Variants in SLC20A2 observed in about 807,000 individuals in gnomAD.
SLC20A2 encodes the protein solute carrier family 20 member 2.
A neutral mutation model predicts 61.0 loss-of-function variants in SLC20A2; 30 were observed. The ratio of observed to expected loss-of-function variants is 0.49; its 90% CI spans 0.37 to 0.67. The LOEUF (loss-of-function observed/expected upper bound fraction) is 0.67. Ranked by LOEUF, SLC20A2 falls within the 30% of genes least tolerant of loss-of-function variation. The probability of loss-of-function intolerance (pLI) is 0.00; values close to 1 mark genes in which losing one functional copy is unlikely to be tolerated. For synonymous variants in SLC20A2, 351 were observed against 353.3 expected (o/e 0.99, Z 0.07); for missense variants, 626 against 866.4 (o/e 0.72, Z 3.48).
chr8:42,419,557 AT>A (rs2130913514), intron 10 of SLC20A2: 1 of 229,738 alleles, frequency 4.4e-6, no homozygotes. Flanking sequence ...TCAAAAAAAA[AT>A]AAAATAAAAA....
chr8:42,455,253 T>G lies in SLC20A2; in HGVS notation c.613+4643A>C, dbSNP rs922138945. On this transcript the variant is annotated intron_variant, in intron 5 of 10. Transcript: ENST00000520262. ...AAAAAAAAAAAAAAATATATATATA[T>G]ATATAGAGAGAGAGAGAGAGAGAGA... Among the ~76,000 whole-genome samples, 405 of 93,610 alleles carry G rather than the reference T, an allele frequency of 4.3e-3. 1 individual carries two copies. The highest frequency in any genetic ancestry group is 8.5e-3 in the Non-Finnish European group (366 of 42,820). 61.4% of individuals were successfully genotyped at this position (93,610 alleles called of 152,430 possible). A position where few individuals can be genotyped will look rare whatever the true frequency, so the allele number is the denominator to read the frequency against.
At position 42,437,252 on chromosome 8, in the gene SLC20A2, G is replaced by T. The variant is rs574609540; in HGVS notation, c.1260C>A (p.Thr420=). 4 of 1,613,978 alleles carry T rather than the reference G, an allele frequency of 2.5e-6. No individual in the cohort carries two copies. The highest frequency in any genetic ancestry group is 3.3e-5 in the Admixed American group (2 of 60,014). ...PEDSEKLVGD[T]VSYSKKRLRY... ...GCAGCCTCTTCTTGGAGTAGGACAC[G>T]GTGTCGCCCACCAGCTTCTCACTGT... The change falls in exon 8 of 11, where the codon ACC becomes ACA. Residue 420 remains threonine (T), a synonymous_variant. Coordinates refer to ENST00000520262, the MANE Select transcript of SLC20A2 (RefSeq NM_001257180.2). This position sits in a 1 kb window ranked among gnomAD's most constrained non-coding sequence, Gnocchi z 6.4.
chr8:42,455,235 A>ATAT (rs1425581278), intron 5 of SLC20A2, among the ~76,000 whole-genome samples: 47 of 104,032 alleles, frequency 4.5e-4, no homozygotes, highest in Non-Finnish European at 6.2e-4. Flanking sequence ...AAAAAAAAAA[A>ATAT]AAAAAAATAT....
At position 42,443,264 on chromosome 8, in the gene SLC20A2, GATATATAT is replaced by G. The variant is rs869057900; in HGVS notation, c.730+1374_730+1381del. 8.5e-5 allele frequency among the ~76,000 whole-genome samples: 9 copies of G among 105,474 alleles called. No individual in the cohort carries two copies. The East Asian group carries it at 2.1e-3, about 24-fold the overall frequency. 69.2% of individuals were successfully genotyped at this position (105,474 alleles called of 152,430 possible). ...TATAATAATACAATTATTATTATAG[GATATATAT>G]ATATATATATATATATATATATATA... On this transcript the variant is annotated intron_variant, in intron 6 of 10. Transcript: ENST00000520262.
At chr8:42,519,301 G>A (rs1004804857) in intron 1 of SLC20A2, among the ~76,000 whole-genome samples, 2 of 152,132 alleles carry the variant, frequency 1.3e-5, no homozygotes, top group Admixed American at 6.5e-5. Flanking sequence ...AAAATTAGCT[G>A]GGCATGGTGG....
chr8:42,473,798 G>C (rs1328241234), intron 1 of SLC20A2, among the ~76,000 whole-genome samples: 3 of 152,080 alleles, frequency 2.0e-5, no homozygotes, highest in African/African-American at 4.8e-5. Context: ...ATAATAATTT[G>C]ACCCATCAAT....
upstream of SLC20A2, among the ~76,000 whole-genome samples, chr8:42,505,584 T>C (rs1810632085): frequency 6.6e-6 from 1 of 152,220 alleles, no homozygotes; most frequent in South Asian, 2.1e-4. Flanking sequence ...AAATGACATC[T>C]GGAAATAGCA....
intron 1 of SLC20A2, among the ~76,000 whole-genome samples, chr8:42,533,840 G>T (rs1444628111): frequency 6.7e-6 from 1 of 150,172 alleles, no homozygotes; most frequent in Non-Finnish European, 1.5e-5. Flanking sequence ...TGTATTTCTA[G>T]TGGAGACGGG....
intron 1 of SLC20A2, among the ~76,000 whole-genome samples, chr8:42,492,273 T>C (rs1300022260): frequency 6.6e-6 from 1 of 152,112 alleles, no homozygotes; most frequent in Non-Finnish European, 1.5e-5. Context: ...AGAGAATTGC[T>C]TGAACCCAGG....
At chr8:42,539,468 A>G (rs1449815019) in intron 1 of SLC20A2, among the ~76,000 whole-genome samples, 2 of 152,232 alleles carry the variant, frequency 1.3e-5, no homozygotes, top group African/African-American at 2.4e-5. Context: ...CTCAATACTA[A>G]GCATATGTTC....
chr8:42,468,804 T>C (rs922850092), intron 2 of SLC20A2, among the ~76,000 whole-genome samples: 1 of 152,134 alleles, frequency 6.6e-6, no homozygotes, highest in Non-Finnish European at 1.5e-5. Flanking sequence ...TGTGTGCTTC[T>C]TAAGGGTTTC....
At chr8:42,486,569 C>T (rs564558664) in intron 1 of SLC20A2, among the ~76,000 whole-genome samples, 1 of 152,318 alleles carries the variant, frequency 6.6e-6, no homozygotes, top group East Asian at 1.9e-4. Context: ...TTTATTTTGT[C>T]TTCACTTTTG....
In SLC20A2 at chr8:42,417,693, TGA is replaced by T. The variant is rs1047758792; in HGVS notation, c.*108_*109del. 4 of 1,217,416 alleles carry T rather than the reference TGA, an allele frequency of 3.3e-6. No individual in the cohort carries two copies. The highest frequency in any genetic ancestry group is 4.2e-4 in the Middle Eastern group (2 of 4,772). 75.4% of individuals were successfully genotyped at this position (1,217,416 alleles called of 1,614,324 possible). On this transcript the variant is annotated 3_prime_UTR_variant, in exon 11 of 11. Transcript: ENST00000520262. Reference sequence around the variant, plus strand: ...TGGAAGGGAGGCAGAGAGCTGGTCATGAGAGAGCCGTGCACGGCCAGGATGTG... The same window carrying T: ...TGGAAGGGAGGCAGAGAGCTGGTCATGAGAGCCGTGCACGGCCAGGATGTG...
chr8:42,527,950 A>G (rs1345690423), intron 1 of SLC20A2, among the ~76,000 whole-genome samples: 1 of 152,212 alleles, frequency 6.6e-6, no homozygotes, highest in Non-Finnish European at 1.5e-5. Flanking sequence ...GCGAAACTAT[A>G]CATCAAAATG....
chr8:42,488,930 GTTTT>G (rs1811319065), intron 1 of SLC20A2, among the ~76,000 whole-genome samples: 1 of 129,052 alleles, frequency 7.7e-6, no homozygotes, highest in Non-Finnish European at 1.7e-5. Context: ...AGTTATAGGA[GTTTT>G]GTTTTTTTTT....
At chr8:42,449,179 G>A (rs1204528193) in intron 5 of SLC20A2, among the ~76,000 whole-genome samples, 4 of 152,062 alleles carry the variant, frequency 2.6e-5, no homozygotes, top group Admixed American at 6.6e-5. Flanking sequence ...AGACATGGCC[G>A]TCATTTCCCC....
chr8:42,443,778 G>A (rs1804986154), intron 6 of SLC20A2, among the ~76,000 whole-genome samples: 1 of 152,102 alleles, frequency 6.6e-6, no homozygotes, highest in Admixed American at 6.5e-5. Flanking sequence ...CAGGCGATCA[G>A]TGCTTTCTGT....
intron 5 of SLC20A2, among the ~76,000 whole-genome samples, chr8:42,450,609 C>T (rs774176191): frequency 7.3e-5 from 11 of 150,834 alleles, no homozygotes; most frequent in African/African-American, 1.7e-4. Flanking sequence ...CTGCAGCCTC[C>T]GCCTCCCAGG....
rs188170902 is a variant in SLC20A2 at position 42,468,375 on chromosome 8, G to A, written c.290-2458C>T. On this transcript the variant is annotated intron_variant, in intron 2 of 10. Coordinates refer to ENST00000520262, the MANE Select transcript of SLC20A2 (RefSeq NM_001257180.2). ...TGTAAAGAAAGGTAGGGAGTAATGG[G>A]ACCACCTGAGAGAGGGAAGAAGGAG... Among the ~76,000 whole-genome samples, 561 of 152,226 alleles carry A rather than the reference G, an allele frequency of 3.7e-3. 2 individuals are homozygous for A. The highest frequency in any genetic ancestry group is 5.5e-3 in the Admixed American group (84 of 15,288).
Sources: allele counts gnomAD v4.1 joint callset (sites outside exome capture counted in the v4.1 genomes callset), GRCh38; gene constraint gnomAD v4.1.1; non-coding constraint Gnocchi (gnomAD v3.1); transcripts MANE v1.5; gene names NCBI Gene and HGNC (gene_info 2026-07-23, HGNC 2026-07-21).